Variants in CNOT2 observed in about 807,000 individuals in gnomAD.
The protein encoded by CNOT2 is CC chemokine receptor 4-negative regulator of transcription 2.
A neutral mutation model predicts 72.1 loss-of-function variants in CNOT2; 7 were observed. That is an observed-to-expected ratio of 0.10 (90% confidence interval 0.06 to 0.18). CNOT2 has a LOEUF of 0.18. Ranked by LOEUF, CNOT2 falls within the 10% of genes least tolerant of loss-of-function variation. The pLI, the probability that CNOT2 is intolerant of heterozygous loss-of-function variation, is 1.00. For missense variants in CNOT2, 345 were observed against 660.3 expected, an observed-to-expected ratio of 0.52 and a Z score of 5.23; for synonymous variants, 196 against 225.6, an observed-to-expected ratio of 0.87 and a Z score of 1.17.
chr12:70,284,100 C>T (rs981386007), intron 2 of CNOT2, among the ~76,000 whole-genome samples: 1 of 151,738 alleles, frequency 6.6e-6, no homozygotes, highest in African/African-American at 2.4e-5. Context: ...TGCCACCATG[C>T]CCAGCTAATT....
chr12:70,258,525 A>G (rs1477966432), intron 1 of CNOT2, among the ~76,000 whole-genome samples: 1 of 152,232 alleles, frequency 6.6e-6, no homozygotes, highest in Non-Finnish European at 1.5e-5. Context: ...TAGGTATTGT[A>G]TTAGATATTT....
At chr12:70,296,784 C>T (rs1164389747) in intron 2 of CNOT2, among the ~76,000 whole-genome samples, 1 of 136,042 alleles carries the variant, frequency 7.4e-6, no homozygotes, top group Admixed American at 8.0e-5. Context: ...AATTGTTTTT[C>T]AAGAATTAAA....
intron 1 of CNOT2, among the ~76,000 whole-genome samples, chr12:70,267,881 A>G (rs754138052): frequency 2.6e-5 from 4 of 152,250 alleles, no homozygotes; most frequent in Non-Finnish European, 4.4e-5. Context: ...GTTAGTTTAT[A>G]TATTGTCTCT....
chr12:70,319,040 T>C (rs1022081012), intron 3 of CNOT2: 3 of 290,670 alleles, frequency 1.0e-5, no homozygotes, highest in African/African-American at 6.5e-5. Context: ...GTAGTGCTGC[T>C]GTAACTCAAG....
At chr12:70,347,932 G>C (rs1882405113) in intron 15 of CNOT2, 1 of 152,180 alleles carries the variant, frequency 6.6e-6, no homozygotes, top group African/African-American at 2.4e-5. Context: ...GTATACAGTA[G>C]AAAGCTATAG....
intron 2 of CNOT2, 151 bp from the exon 3 acceptor site, chr12:70,310,744 A>G: frequency 1.8e-6 from 1 of 559,946 alleles, no homozygotes; most frequent in East Asian, 3.0e-5. Flanking sequence ...AATCAGATTT[A>G]TGACTTTATC....
At chr12:70,291,544 C>T (rs940506990) in intron 2 of CNOT2, among the ~76,000 whole-genome samples, 1 of 152,236 alleles carries the variant, frequency 6.6e-6, no homozygotes, top group African/African-American at 2.4e-5. Context: ...AAGTCTTTGA[C>T]ACCGTGTTCA....
intron 1 of CNOT2, among the ~76,000 whole-genome samples, chr12:70,246,404 G>GT (rs2135680980): frequency 6.6e-6 from 1 of 152,142 alleles, no homozygotes; most frequent in Non-Finnish European, 1.5e-5. Context: ...AGTGGATTTT[G>GT]TAACACAAAG....
intron 7 of CNOT2, chr12:70,334,549 CAA>C (rs1262135205): frequency 6.6e-6 from 1 of 151,798 alleles, no homozygotes; most frequent in African/African-American, 2.4e-5. Flanking sequence ...AATGGTAAAA[CAA>C]AAATTAAAAG....
intron 14 of CNOT2, chr12:70,345,276 G>A (rs1882024807): frequency 6.6e-6 from 1 of 152,112 alleles, no homozygotes; most frequent in South Asian, 2.1e-4. Flanking sequence ...ATAGTTTAAA[G>A]TATATAATTC....
rs1179385585 is a variant in CNOT2 at position 70,310,932 on chromosome 12, T to G, written c.86T>G (p.Phe29Cys). 2 of 1,611,650 alleles carry G rather than the reference T, an allele frequency of 1.2e-6. No individual in the cohort carries two copies. The change falls in exon 3 of 16, where the codon TTT (phenylalanine) becomes TGT (cysteine). Residue 29 changes from phenylalanine to cysteine, a missense_variant. Around this residue, in one of 4 missense-constraint regions of CNOT2, gnomAD observed 157 missense variants for 235.3 expected, o/e 0.67. Coordinates refer to ENST00000229195, the MANE Select transcript of CNOT2 (RefSeq NM_014515.7). ...NSMFGASRKK[F>C]VEGVDSDYHD... ...ATGTTTGGTGCTTCAAGAAAGAAGT[T>G]TGTAGAGGGGGTCGACAGTGACTAC...
At chr12:70,284,392 G>A (rs945804865) in intron 2 of CNOT2, among the ~76,000 whole-genome samples, 5 of 151,500 alleles carry the variant, frequency 3.3e-5, no homozygotes, top group African/African-American at 4.9e-5. Context: ...CTACCTACAC[G>A]CACCACCACA....
chr12:70,271,964 T>G (rs1177052215), intron 1 of CNOT2, among the ~76,000 whole-genome samples: 3 of 152,212 alleles, frequency 2.0e-5, no homozygotes, highest in Non-Finnish European at 2.9e-5. Context: ...ACTCAAAAGC[T>G]TGTCCTACGT....
intron 2 of CNOT2, among the ~76,000 whole-genome samples, chr12:70,303,547 C>T (rs1167115839): frequency 6.6e-6 from 1 of 152,216 alleles, no homozygotes; most frequent in African/African-American, 2.4e-5. Flanking sequence ...TATTGGTCCC[C>T]ACTCTCTTCT....
chr12:70,305,490 G>C (rs544010833), intron 2 of CNOT2, among the ~76,000 whole-genome samples: 6 of 152,274 alleles, frequency 3.9e-5, no homozygotes, highest in African/African-American at 1.4e-4. Context: ...CCGTAGAGAT[G>C]AAAAGATATT....
In CNOT2 at chr12:70,265,807, GTA is replaced by G. The variant is rs545105867; in HGVS notation, c.-95-12323_-95-12322del. On this transcript the variant is annotated intron_variant, in intron 1 of 15. Coordinates refer to ENST00000229195, the MANE Select transcript of CNOT2 (RefSeq NM_014515.7). ...CTAATTTGGTTACATCCTACAGATTGTATGTTTTATTTTTGTTTTCAATCAGT... is the reference window on the plus strand; with the variant it reads ...CTAATTTGGTTACATCCTACAGATTGTGTTTTATTTTTGTTTTCAATCAGT... Among the ~76,000 whole-genome samples, 599 of 151,902 alleles carry G rather than the reference GTA, an allele frequency of 3.9e-3. 4 individuals are homozygous for G. The highest frequency in any genetic ancestry group is 0.01 in the Middle Eastern group (3 of 294).
At chr12:70,317,624 T>TTTTTTTTTA (rs1877574384) in intron 3 of CNOT2, among the ~76,000 whole-genome samples, 1 of 150,470 alleles carries the variant, frequency 6.6e-6, no homozygotes, top group South Asian at 2.1e-4. Context: ...TTTTTTTTTT[T>TTTTTTTTTA]TTTTTTTTTT....
At chr12:70,262,756 C>G (rs1414213334) in intron 1 of CNOT2, among the ~76,000 whole-genome samples, 1 of 150,872 alleles carries the variant, frequency 6.6e-6, no homozygotes, top group Non-Finnish European at 1.5e-5. Context: ...TCACCGCAAC[C>G]TCTACCTCCC....
intron 6 of CNOT2, 96 bp downstream of exon 6, chr12:70,330,565 CTCT>C: frequency 1.4e-6 from 1 of 721,454 alleles, no homozygotes; most frequent in African/African-American, 1.8e-5. Flanking sequence ...TGTGGCTTCT[CTCT>C]AATAAGTGTG....
Sources: gnomAD v4.1 joint callset for allele counts (sites outside exome capture counted in the v4.1 genomes callset) on GRCh38, gnomAD v4.1.1 for gene constraint, gnomAD v4.1.1 regional missense constraint, MANE v1.5 for transcripts, NCBI Gene and HGNC (gene_info 2026-07-23, HGNC 2026-07-21) for gene names.